The following SOX5 variants were observed in gnomAD, a reference collection of about 807,000 sequenced individuals.
SOX5 encodes the protein SRY-box transcription factor 5, also known as transcription factor SOX-5.
A neutral mutation model predicts 92.0 loss-of-function variants in SOX5; 9 were observed. That is an observed-to-expected ratio of 0.10 (90% CI 0.06 to 0.17). The LOEUF is 0.17. Among genes scored for constraint, SOX5 ranks in the 10% least tolerant of loss-of-function variants. The probability of loss-of-function intolerance (pLI) is 1.00; values close to 1 mark genes in which losing one functional copy is unlikely to be tolerated. For synonymous variants in SOX5, 344 were observed against 336.3 expected, an observed-to-expected ratio of 1.02 and a Z score of -0.25; for missense variants, 642 against 944.5, an observed-to-expected ratio of 0.68 and a Z score of 4.20.
intron 3 of SOX5, among the ~76,000 whole-genome samples, chr12:24,257,913 G>A (rs985082796): frequency 2.6e-5 from 4 of 151,898 alleles, no homozygotes; most frequent in South Asian, 2.1e-4. Context: ...CATGGCTCAC[G>A]CCTGTAATCC....
At chr12:23,737,818 C>T (rs1280445584) in intron 5 of SOX5, among the ~76,000 whole-genome samples, 1 of 152,156 alleles carries the variant, frequency 6.6e-6, no homozygotes, top group Non-Finnish European at 1.5e-5. Context: ...GAATACTCTG[C>T]CTAGACAGCC....
chr12:23,537,045 T>G (rs981964746), intron 13 of SOX5, among the ~76,000 whole-genome samples: 1 of 152,184 alleles, frequency 6.6e-6, no homozygotes, highest in Non-Finnish European at 1.5e-5. Context: ...ACTAATTATC[T>G]AGTTATTGAA....
In SOX5 at chr12:23,648,018, T is replaced by G. The variant is rs140135320; in HGVS notation, c.932-7121A>C. On this transcript the variant is annotated intron_variant, in intron 7 of 14. Transcript: ENST00000451604. ...GCCTGCCCCATCTTTTGACACACCTTCTTCATCAAGCTCAATCATTTCTAG... is the reference window on the plus strand; with the variant it reads ...GCCTGCCCCATCTTTTGACACACCTGCTTCATCAAGCTCAATCATTTCTAG... Among the ~76,000 whole-genome samples the G allele has an allele frequency of 3.5e-4, 53 of 152,340 alleles. No individual in the cohort carries two copies. The East Asian group carries it at 9.1e-3, about 26-fold the overall frequency.
chr12:23,555,527 T>A (rs1236772512), intron 11 of SOX5, among the ~76,000 whole-genome samples: 1 of 151,362 alleles, frequency 6.6e-6, no homozygotes, highest in African/African-American at 2.4e-5. Context: ...ACTCACACCA[T>A]AATTGCTCCC....
chr12:23,759,421 G>A (rs917931717), intron 3 of SOX5, among the ~76,000 whole-genome samples: 1 of 152,074 alleles, frequency 6.6e-6, no homozygotes, highest in African/African-American at 2.4e-5. Flanking sequence ...GCCTGTGGGG[G>A]TGACGAGGGA....
chr12:24,469,579 T>A (rs570573779), intron 1 of SOX5, among the ~76,000 whole-genome samples: 1 of 152,334 alleles, frequency 6.6e-6, no homozygotes, highest in South Asian at 2.1e-4. Flanking sequence ...AGAACCACTT[T>A]CTATGACGCC....
intron 4 of SOX5, among the ~76,000 whole-genome samples, chr12:24,155,883 G>A (rs1952115264): frequency 6.6e-6 from 1 of 152,110 alleles, no homozygotes. Flanking sequence ...AGGTTAGGAG[G>A]AACAGTAGCA....
At chr12:24,544,294 G>T (rs1009913639) in intron 1 of SOX5, among the ~76,000 whole-genome samples, 9 of 152,120 alleles carry the variant, frequency 5.9e-5, no homozygotes. Flanking sequence ...CCAAAAAGAT[G>T]GGTAAGAACT....
chr12:24,492,474 A>T (rs1233081610), intron 1 of SOX5, among the ~76,000 whole-genome samples: 1 of 152,172 alleles, frequency 6.6e-6, no homozygotes, highest in African/African-American at 2.4e-5. Context: ...CAAAGAAGGG[A>T]GGGTAAGGTT....
At chr12:24,045,624 G>T (rs1026992917) in intron 4 of SOX5, among the ~76,000 whole-genome samples, 1 of 152,134 alleles carries the variant, frequency 6.6e-6, no homozygotes, top group Non-Finnish European at 1.5e-5. Flanking sequence ...TAAAGACAGG[G>T]CCAATGAGAA....
intron 6 of SOX5, among the ~76,000 whole-genome samples, chr12:23,734,408 A>G (rs1249759403): frequency 6.6e-6 from 1 of 152,194 alleles, no homozygotes; most frequent in Admixed American, 6.6e-5. Context: ...TAACATTAAA[A>G]TGTAGATAAA....
intron 4 of SOX5, among the ~76,000 whole-genome samples, chr12:24,148,675 C>A (rs1428524321): frequency 3.6e-5 from 4 of 110,024 alleles, no homozygotes; most frequent in African/African-American, 7.4e-5. Context: ...CATAGTGAGA[C>A]CCCCATCTCT....
In SOX5 at chr12:24,123,731, C is replaced by T. The variant is rs149233067; in HGVS notation, c.-2+89612G>A. ...AGGAGTCGACTATAAATCATTTTGG[C>T]ATAAATACCATCAGGCATATTCCAA... On this transcript the variant is annotated intron_variant, in intron 4 of 4. Coordinates refer to the SOX5 transcript ENST00000446891. Among the ~76,000 whole-genome samples, 97 of 152,338 alleles carry T rather than the reference C, an allele frequency of 6.4e-4. 1 individual carries two copies. The highest frequency in any genetic ancestry group is 2.3e-3 in the African/African-American group (94 of 41,566).
At chr12:24,520,475 C>A (rs1950171868) in intron 1 of SOX5, among the ~76,000 whole-genome samples, 1 of 150,294 alleles carries the variant, frequency 6.7e-6, no homozygotes. Context: ...GAAAAAAAAT[C>A]TATAATAGAC....
chr12:24,068,382 C>G (rs924479428), intron 4 of SOX5, among the ~76,000 whole-genome samples: 6 of 151,632 alleles, frequency 4.0e-5, no homozygotes, highest in Non-Finnish European at 7.4e-5. Context: ...GAATAAAGAG[C>G]AATGTAAAGC....
chr12:24,467,790 G>A (rs1944385192), intron 1 of SOX5, among the ~76,000 whole-genome samples: 2 of 152,252 alleles, frequency 1.3e-5, no homozygotes, highest in Admixed American at 6.5e-5. Context: ...TAAACTGCCT[G>A]CTATTTGGAG....
At chr12:24,208,466 G>A (rs1402238924) in intron 4 of SOX5, among the ~76,000 whole-genome samples, 1 of 152,088 alleles carries the variant, frequency 6.6e-6, no homozygotes, top group African/African-American at 2.4e-5. Flanking sequence ...AAGCCCAAGA[G>A]GAACATAAGA....
chr12:23,825,139 T>TG (rs2096205540), intron 3 of SOX5, among the ~76,000 whole-genome samples: 2 of 152,044 alleles, frequency 1.3e-5, no homozygotes, highest in East Asian at 3.9e-4. Context: ...CACTGGGGTA[T>TG]GAAAAAAAAC....
At chr12:23,882,052 A>C (rs1034283245) in intron 2 of SOX5, among the ~76,000 whole-genome samples, 1 of 152,222 alleles carries the variant, frequency 6.6e-6, no homozygotes, top group African/African-American at 2.4e-5. Context: ...ATATATGTTT[A>C]ATCATCAAGA....
Sources: gnomAD v4.1 joint callset for allele counts (sites outside exome capture counted in the v4.1 genomes callset) on GRCh38, gnomAD v4.1.1 for gene constraint, MANE v1.5 for transcripts, NCBI Gene and HGNC (gene_info 2026-07-23, HGNC 2026-07-21) for gene names.